DSE: variants seen among roughly 807,000 people sequenced by gnomAD.
DSE encodes dermatan-sulfate epimerase.
Under a neutral mutation model 84.4 loss-of-function variants are expected in DSE, and 36 were observed. The observed-to-expected ratio is 0.43, with a 90% confidence interval of 0.33 to 0.56. The LOEUF is 0.56. Among genes scored for constraint, DSE ranks in the 20% least tolerant of loss-of-function variants. The pLI, the probability that DSE is intolerant of heterozygous loss-of-function variation, is 0.06. For missense variants in DSE, 862 were observed against 1,169.6 expected (o/e 0.74, Z 3.84); for synonymous variants, 410 against 430.1 (o/e 0.95, Z 0.58).
exon 2 of DSE, chr6:116,258,458 G>C (rs771766362): frequency 1.1e-6 from 1 of 888,578 alleles, no homozygotes; most frequent in East Asian, 2.4e-5. Flanking sequence ...CTGCCCTGAA[G>C]GGCAGACAGG....
At chr6:116,319,967 C>G (rs778685936) in intron 2 of DSE, among the ~76,000 whole-genome samples, 3 of 152,204 alleles carry the variant, frequency 2.0e-5, no homozygotes, top group African/African-American at 2.4e-5. Flanking sequence ...CCCTGACTTT[C>G]TAGGAAAAGA....
At chr6:116,327,906 T>C (rs980055993) in intron 2 of DSE, among the ~76,000 whole-genome samples, 1 of 152,214 alleles carries the variant, frequency 6.6e-6, no homozygotes, top group Admixed American at 6.5e-5. Flanking sequence ...CTACTTTTAG[T>C]GTAAATTCAG....
At chr6:116,411,536 C>T (rs1782353641) in intron 2 of DSE, among the ~76,000 whole-genome samples, 1 of 152,012 alleles carries the variant, frequency 6.6e-6, no homozygotes, top group Non-Finnish European at 1.5e-5. Flanking sequence ...GCTATTAGGG[C>T]TTGTAACAAC....
chr6:116,429,820 C>G (rs1217517392), intron 3 of DSE, among the ~76,000 whole-genome samples: 2 of 66,056 alleles, frequency 3.0e-5, no homozygotes, highest in South Asian at 3.3e-4. Context: ...GGCGTGATGG[C>G]GGGCGCCTGC....
At position 116,437,491 on chromosome 6, in the gene DSE, G is replaced by A; in HGVS notation, c.*146G>A. The A allele has an allele frequency of 5.5e-6, 4 of 728,212 alleles. No homozygotes were observed. Among genetic ancestry groups the A allele is most frequent in the South Asian group, 2.2e-5 (1 of 45,250 alleles). The allele number at this position is 728,212 out of a possible 1,614,324, so 45.1% of individuals were successfully genotyped here. On this transcript the variant is annotated 3_prime_UTR_variant, in exon 6 of 6. Transcript: ENST00000644252. ...AAGATATTTTGACACAAGAAAGCAG[G>A]AACGTGGAGAAATTGGAGCAGGAAA...
In DSE at chr6:116,442,239, T is replaced by G. The variant is rs141586415; in HGVS notation, c.*4894T>G. The G allele has an allele frequency of 0.027, 4,124 of 152,100 alleles. 74 individuals carry two copies. The highest frequency in any genetic ancestry group is 0.039 in the Non-Finnish European group (2,653 of 68,082). The allele number at this position is 152,100 out of a possible 1,614,324, so 9.4% of individuals were successfully genotyped here. A position where few individuals can be genotyped will look rare whatever the true frequency, so the allele number is the denominator to read the frequency against. On this transcript the variant is annotated 3_prime_UTR_variant, in exon 6 of 6. Transcript: ENST00000644252. The stretch of plus-strand genomic sequence containing the variant: ...AGCAGAGTGGGGGAGGGGAGGGTGA[T>G]AGGAATAGGATCAGATCATACATGC...
chr6:116,287,508 T>C (rs1773992483), intron 2 of DSE, among the ~76,000 whole-genome samples: 1 of 152,128 alleles, frequency 6.6e-6, no homozygotes, highest in African/African-American at 2.4e-5. Context: ...AAATAATACT[T>C]TGTTTTACAA....
At chr6:116,432,581 A>G (rs1024307199) in intron 4 of DSE, 5 of 152,126 alleles carry the variant, frequency 3.3e-5, no homozygotes, top group South Asian at 2.1e-4. Context: ...AAGAGGTTCT[A>G]TGTTAAAGCA....
intron 2 of DSE, among the ~76,000 whole-genome samples, chr6:116,338,008 C>G (rs1299723318): frequency 6.6e-6 from 1 of 152,000 alleles, no homozygotes; most frequent in Admixed American, 6.6e-5. Flanking sequence ...AAGAAATTTG[C>G]AGTTACCTTG....
At chr6:116,380,660 T>C (rs1198825884) in intron 1 of DSE, among the ~76,000 whole-genome samples, 1 of 152,210 alleles carries the variant, frequency 6.6e-6, no homozygotes, top group Non-Finnish European at 1.5e-5. Context: ...TTGTATATTC[T>C]TTATTATTTT....
intron 2 of DSE, among the ~76,000 whole-genome samples, chr6:116,305,932 G>A (rs9387394): frequency 0.24 from 35,961 of 152,058 alleles, 5,460 homozygotes; most frequent in East Asian, 0.64. Context: ...GTGAGCCACC[G>A]TGCCTGGCAT....
At chr6:116,279,614 C>G (rs746941703) in intron 2 of DSE, 1 of 1,602,654 alleles carries the variant, frequency 6.2e-7, no homozygotes. Context: ...CCCGCGGCAT[C>G]CTGGGGTACG....
chr6:116,431,100 A>T lies in DSE; in HGVS notation c.817A>T (p.Met273Leu). ...SYTTRSLFQY[M>L]FLVQRHFNIN... ...CACCACTAGATCACTCTTCCAATAC[A>T]TGTTTCTCGTCCAGAGGCACTTCAA... The change falls in exon 4 of 6, where the codon ATG becomes TTG. Residue 273 changes from methionine to leucine, a missense_variant. Coordinates refer to ENST00000644252, the MANE Select transcript of DSE (RefSeq NM_013352.4). The T allele has an allele frequency of 6.2e-7, 1 of 1,614,174 alleles. No individual in the cohort carries two copies.
intron 1 of DSE, chr6:116,254,348 A>G (rs1772054849): frequency 1.8e-6 from 1 of 544,696 alleles, no homozygotes; most frequent in Non-Finnish European, 3.5e-6. Context: ...TTTCTAAGGC[A>G]CCTAACCTAT....
At chr6:116,260,334 C>T (rs1003253644) in intron 2 of DSE, among the ~76,000 whole-genome samples, 5 of 151,602 alleles carry the variant, frequency 3.3e-5, no homozygotes, top group African/African-American at 1.2e-4. Flanking sequence ...TAATAGAGTT[C>T]TTTGTTTTTT....
In DSE at chr6:116,304,007, G is replaced by C. The variant is rs552429991; in HGVS notation, c.-54+45040G>C. Among the ~76,000 whole-genome samples, 3 of 152,006 alleles carry C rather than the reference G, an allele frequency of 2.0e-5. No homozygotes were observed. The South Asian group carries it at 6.2e-4, about 32-fold the overall frequency. Reference sequence around the variant, plus strand: ...AAAAACTAGCCGGGCATGGTGGCAGGCGCCCGTAGTCCCAGCTACTCAGGA... The same window carrying C: ...AAAAACTAGCCGGGCATGGTGGCAGCCGCCCGTAGTCCCAGCTACTCAGGA... On this transcript the variant is annotated intron_variant, in intron 2 of 3. Coordinates refer to the DSE transcript ENST00000430252.
At chr6:116,300,007 T>G (rs1158123924) in intron 2 of DSE, among the ~76,000 whole-genome samples, 1 of 152,206 alleles carries the variant, frequency 6.6e-6, no homozygotes, top group Non-Finnish European at 1.5e-5. Context: ...TTATTTGCTT[T>G]TATTCAAACC....
intron 1 of DSE, among the ~76,000 whole-genome samples, chr6:116,375,799 C>T (rs1779887624): frequency 6.6e-6 from 1 of 152,028 alleles, no homozygotes; most frequent in Non-Finnish European, 1.5e-5. Flanking sequence ...TTGCCCAGTA[C>T]TTTTAACTTT....
chr6:116,339,546 A>G (rs1777468535), intron 2 of DSE, among the ~76,000 whole-genome samples: 2 of 152,200 alleles, frequency 1.3e-5, no homozygotes, highest in South Asian at 4.1e-4. Flanking sequence ...TCTGACTACT[A>G]TGTTTTGAAT....
Sources: allele counts gnomAD v4.1 joint callset (sites outside exome capture counted in the v4.1 genomes callset), GRCh38; gene constraint gnomAD v4.1.1; transcripts MANE v1.5; gene names NCBI Gene and HGNC (gene_info 2026-07-23, HGNC 2026-07-21).